Variants in PDE1A observed in about 807,000 individuals in gnomAD.
PDE1A encodes dual specificity calcium/calmodulin-dependent 3',5'-cyclic nucleotide phosphodiesterase 1A.
PDE1A carries 35 observed loss-of-function variants against 61.7 expected under a neutral mutation model. The observed-to-expected ratio is 0.57, with a 90% confidence interval of 0.43 to 0.75. The LOEUF (loss-of-function observed/expected upper bound fraction) is 0.75, where lower values mean the gene tolerates loss of function less well. Among genes scored for constraint, PDE1A ranks in the 30% least tolerant of loss-of-function variants. The probability of loss-of-function intolerance (pLI) is 0.00; values close to 1 mark genes in which losing one functional copy is unlikely to be tolerated. For synonymous variants in PDE1A, 232 were observed against 213.2 expected, an observed-to-expected ratio of 1.09 and a Z score of -0.77; for missense variants, 597 against 630.6, an observed-to-expected ratio of 0.95 and a Z score of 0.57.
intron 1 of PDE1A, among the ~76,000 whole-genome samples, chr2:182,370,315 G>A (rs932335810): frequency 1.3e-5 from 2 of 152,240 alleles, no homozygotes; most frequent in East Asian, 1.9e-4. Flanking sequence ...TTAATAGGTC[G>A]CATGCCTAAT....
chr2:182,360,473 G>A (rs1699435080), intron 1 of PDE1A, among the ~76,000 whole-genome samples: 1 of 151,608 alleles, frequency 6.6e-6, no homozygotes, highest in African/African-American at 2.4e-5. Context: ...ACCAAACATA[G>A]GGATAGAAGG....
At chr2:182,316,575 T>G (rs2125971745) in intron 1 of PDE1A, among the ~76,000 whole-genome samples, 1 of 152,282 alleles carries the variant, frequency 6.6e-6, no homozygotes, top group East Asian at 1.9e-4. Flanking sequence ...ACCTAAAATA[T>G]TTGTAAAAAT....
At chr2:182,684,085 T>G in the PDE1A span, among the ~76,000 whole-genome samples, 1 of 145,820 alleles carries the variant, frequency 6.9e-6, no homozygotes. Flanking sequence ...ATCACGCCAT[T>G]GCACTCCAGC....
chr2:182,178,580 G>A (rs1684484407), intron 13 of PDE1A, among the ~76,000 whole-genome samples: 1 of 152,090 alleles, frequency 6.6e-6, no homozygotes, highest in Admixed American at 6.6e-5. Flanking sequence ...AAAAAGTCAG[G>A]GATCCAGGGG....
rs376656067 is a variant in PDE1A, at chr2:182,234,419, G to C, written c.417+13C>G. ...TGACCATTTTATACACGAAAATAAT[G>C]AAATTATGTCACCTTTAATGTTACG... On this transcript the variant is annotated intron_variant, in intron 4 of 13. Coordinates refer to ENST00000351439, the Ensembl canonical transcript of PDE1A. The C allele has an allele frequency of 7.6e-6, 12 of 1,572,864 alleles. No homozygotes were observed. The highest frequency in any genetic ancestry group is 1.7e-4 in the Middle Eastern group (1 of 6,012).
the PDE1A span, among the ~76,000 whole-genome samples, chr2:182,551,303 T>C: frequency 6.6e-6 from 1 of 152,026 alleles, no homozygotes; most frequent in Admixed American, 6.6e-5. Flanking sequence ...AGAGGCCAAT[T>C]ATTGGAGGAA....
In PDE1A at chr2:182,461,150, T is replaced by C. The variant is rs1321096273; in HGVS notation, c.101+61126A>G. Among the ~76,000 whole-genome samples the C allele has an allele frequency of 2.0e-5, 3 of 152,188 alleles. No individual in the cohort carries two copies. The East Asian group carries it at 5.8e-4, about 29-fold the overall frequency. The stretch of plus-strand genomic sequence containing the variant: ...TGAAGTGTTTGTGAGCCTGGAGTTC[T>C]GAGGTGTATTCGTTAGCAAATATTA... On this transcript the variant is annotated intron_variant, in intron 2 of 14. Transcript: ENST00000410103.
chr2:182,158,406 C>A (rs1347331648), intron 13 of PDE1A, among the ~76,000 whole-genome samples: 2 of 152,094 alleles, frequency 1.3e-5, no homozygotes, highest in Admixed American at 6.6e-5. Flanking sequence ...CAAAACTATT[C>A]TCTTACTCTT....
intron 2 of PDE1A, among the ~76,000 whole-genome samples, chr2:182,494,490 G>A (rs1326383571): frequency 1.3e-5 from 2 of 152,078 alleles, no homozygotes; most frequent in African/African-American, 2.4e-5. Context: ...ATGAGTAACT[G>A]TTTAAGAAAC....
At chr2:182,182,196 T>C (rs1033504415) in intron 13 of PDE1A, among the ~76,000 whole-genome samples, 1 of 152,212 alleles carries the variant, frequency 6.6e-6, no homozygotes, top group African/African-American at 2.4e-5. Context: ...ATGAAATGAT[T>C]ATATAATTTT....
At chr2:182,644,297 GTGTC>G in the PDE1A span, among the ~76,000 whole-genome samples, 1 of 146,852 alleles carries the variant, frequency 6.8e-6, no homozygotes, top group South Asian at 2.3e-4. Flanking sequence ...GTGTGTGTGT[GTGTC>G]TGTGTGTGTC....
chr2:182,153,763 G>A (rs544797746), intron 13 of PDE1A, among the ~76,000 whole-genome samples: 1 of 152,266 alleles, frequency 6.6e-6, no homozygotes, highest in African/African-American at 2.4e-5. Flanking sequence ...GTAGAGGCAA[G>A]TTGATGTGAA....
intron 1 of PDE1A, among the ~76,000 whole-genome samples, chr2:182,289,664 G>A (rs966375903): frequency 6.6e-6 from 1 of 151,996 alleles, no homozygotes; most frequent in South Asian, 2.1e-4. Flanking sequence ...GTAGCAGTTC[G>A]TTCAATTTCC....
intron 13 of PDE1A, among the ~76,000 whole-genome samples, chr2:182,155,560 G>A (rs548312195): frequency 9.9e-5 from 15 of 152,274 alleles, no homozygotes; most frequent in Non-Finnish European, 2.2e-4. Flanking sequence ...TGGTTTGGCT[G>A]TGTCCCCACC....
the PDE1A span, among the ~76,000 whole-genome samples, chr2:182,681,250 T>C: frequency 1.3e-5 from 2 of 152,000 alleles, no homozygotes; most frequent in Non-Finnish European, 2.9e-5. Context: ...TGATACAATA[T>C]ATAGCCTAGC....
chr2:182,316,799 T>G (rs1696365107), intron 1 of PDE1A, among the ~76,000 whole-genome samples: 1 of 152,238 alleles, frequency 6.6e-6, no homozygotes, highest in Non-Finnish European at 1.5e-5. Context: ...ATATTACTAA[T>G]TTTTGAAAAT....
chr2:182,553,155 T>C, the PDE1A span, among the ~76,000 whole-genome samples: 1 of 152,348 alleles, frequency 6.6e-6, no homozygotes, highest in East Asian at 1.9e-4. Context: ...ACTCACCGCA[T>C]GGCCCAAGAT....
At chr2:182,270,796 G>C (rs1378820205) in intron 1 of PDE1A, among the ~76,000 whole-genome samples, 1 of 151,500 alleles carries the variant, frequency 6.6e-6, no homozygotes, top group Non-Finnish European at 1.5e-5. Flanking sequence ...GAAACTATCA[G>C]AACAAGAAGC....
At chr2:182,278,855 T>C (rs1287333701) in intron 1 of PDE1A, among the ~76,000 whole-genome samples, 2 of 152,048 alleles carry the variant, frequency 1.3e-5, no homozygotes, top group Non-Finnish European at 2.9e-5. Context: ...CTTTTTACAA[T>C]TTTTAACTTT....
Sources: gnomAD v4.1 joint callset for allele counts (sites outside exome capture counted in the v4.1 genomes callset) on GRCh38, gnomAD v4.1.1 for gene constraint, MANE v1.5 for transcripts, NCBI Gene and HGNC (gene_info 2026-07-23, HGNC 2026-07-21) for gene names.